ANK1: variants seen among roughly 807,000 people sequenced by gnomAD.
ANK1 encodes the protein ankyrin 1, also known as ankyrin-1.
Under a neutral mutation model 210.4 loss-of-function variants are expected in ANK1, and 51 were observed. The ratio of observed to expected loss-of-function variants is 0.24; its 90% CI spans 0.19 to 0.31. The LOEUF (loss-of-function observed/expected upper bound fraction) is 0.31. Among genes scored for constraint, ANK1 ranks in the 10% least tolerant of loss-of-function variants. The pLI, the probability that ANK1 is intolerant of heterozygous loss-of-function variation, is 1.00. For synonymous variants in ANK1, 967 were observed against 1,025.9 expected, an observed-to-expected ratio of 0.94 and a Z score of 1.10; for missense variants, 2,051 against 2,504.4, an observed-to-expected ratio of 0.82 and a Z score of 3.86.
chr8:41,717,093 C>A, intron 12 of ANK1, 42 bp from the exon 13 acceptor site: 1 of 1,602,354 alleles, frequency 6.2e-7, no homozygotes. Context: ...TACATGCCTG[C>A]TGTCCAAAAC....
intron 36 of ANK1, among the ~76,000 whole-genome samples, chr8:41,684,978 G>C (rs547557090): frequency 6.6e-6 from 1 of 152,204 alleles, no homozygotes; most frequent in Non-Finnish European, 1.5e-5. Context: ...CTGTCACCCA[G>C]GCTGGAGTGC....
At chr8:41,866,292 C>T (rs1250247761) in intron 1 of ANK1, among the ~76,000 whole-genome samples, 1 of 152,172 alleles carries the variant, frequency 6.6e-6, no homozygotes, top group Non-Finnish European at 1.5e-5. Flanking sequence ...TGGGCTCAAG[C>T]GATTCTCCTA....
At chr8:41,848,887 G>A (rs1393697533) in intron 1 of ANK1, among the ~76,000 whole-genome samples, 4 of 152,250 alleles carry the variant, frequency 2.6e-5, no homozygotes, top group Admixed American at 6.5e-5. Context: ...TGCAGGGAAC[G>A]TTGCTTCAGG....
At chr8:41,805,153 C>G (rs28689087) in intron 1 of ANK1, among the ~76,000 whole-genome samples, 10,264 of 147,490 alleles carry the variant, frequency 0.07, 467 homozygotes, top group African/African-American at 0.13. Flanking sequence ...TCTCATAGAG[C>G]TCTTTCTCTC....
chr8:41,741,343 C>T (rs1049256825), intron 2 of ANK1, among the ~76,000 whole-genome samples: 7 of 152,176 alleles, frequency 4.6e-5, no homozygotes, highest in Non-Finnish European at 7.3e-5. Context: ...TGGCTCCTGA[C>T]GTAGCCCAAT....
Position 41,736,380 on chromosome 8 carries a change from G to A in ANK1, c.130-2311C>T, listed in dbSNP as rs190784080. ...TCCCTGCTCCTTCTCAGAGCAGGGC[G>A]AGCTTTTTCAGGCAGCACACAGCAT... On this transcript the variant is annotated intron_variant, in intron 2 of 42. Coordinates refer to ENST00000289734, the MANE Select transcript of ANK1 (RefSeq NM_000037.4). Among the ~76,000 whole-genome samples the A allele has an allele frequency of 1.9e-3, 293 of 152,314 alleles. 1 individual carries two copies. Among genetic ancestry groups the A allele is most frequent in the Non-Finnish European group, 3.2e-3 (215 of 68,030 alleles).
intron 24 of ANK1, 137 bp downstream of exon 24, chr8:41,697,906 G>T: frequency 2.4e-6 from 2 of 842,634 alleles, no homozygotes; most frequent in South Asian, 1.4e-5. Context: ...GTCCAAGCGT[G>T]GAATGCCAGT....
intron 2 of ANK1, among the ~76,000 whole-genome samples, chr8:41,753,662 T>C (rs1472674734): frequency 2.0e-5 from 3 of 152,038 alleles, no homozygotes; most frequent in African/African-American, 4.8e-5. Flanking sequence ...CGGTACCCAA[T>C]AGTTAGTTTT....
chr8:41,661,290 G>C lies in ANK1; in HGVS notation c.*36+140C>G, dbSNP rs1808037498. Reference sequence around the variant, plus strand: ...AACTGTTAGCAGGGTTGGGAAGTGAGAATCTCTGCCTCGAGACACAACAAC... The same window carrying C: ...AACTGTTAGCAGGGTTGGGAAGTGACAATCTCTGCCTCGAGACACAACAAC... On this transcript the variant is annotated intron_variant, in intron 42 of 42. Coordinates refer to ENST00000289734, the MANE Select transcript of ANK1 (RefSeq NM_000037.4). 22 of 1,308,362 alleles carry C rather than the reference G, an allele frequency of 1.7e-5. No individual in the cohort carries two copies. In the South Asian group the frequency reaches 2.4e-4, roughly 15 times the overall value. The allele number at this position is 1,308,362 out of a possible 1,614,324, so 81.0% of individuals were successfully genotyped here.
chr8:41,820,780 C>T (rs759366802), intron 1 of ANK1, among the ~76,000 whole-genome samples: 4 of 152,100 alleles, frequency 2.6e-5, no homozygotes, highest in Admixed American at 6.5e-5. Flanking sequence ...TATGTACACA[C>T]GAGAGTCCCA....
intron 18 of ANK1, 109 bp downstream of exon 18, chr8:41,706,034 A>G: frequency 9.5e-7 from 1 of 1,057,818 alleles, no homozygotes; most frequent in Non-Finnish European, 1.5e-6. Context: ...GAAGTGGCAG[A>G]GAAGAATGTC....
At chr8:41,789,121 A>G (rs903600235) in intron 1 of ANK1, 1 of 152,072 alleles carries the variant, frequency 6.6e-6, no homozygotes, top group Non-Finnish European at 1.5e-5. Context: ...TTCAGCCTCC[A>G]TGGTATTGTT....
At chr8:41,663,324 G>A (rs966263414) in intron 40 of ANK1, among the ~76,000 whole-genome samples, 1 of 152,082 alleles carries the variant, frequency 6.6e-6, no homozygotes, top group Non-Finnish European at 1.5e-5. Flanking sequence ...GTAGGCCAGG[G>A]ATGCTCAAAC....
intron 2 of ANK1, among the ~76,000 whole-genome samples, chr8:41,750,286 G>A (rs768030768): frequency 6.6e-5 from 10 of 152,098 alleles, no homozygotes; most frequent in South Asian, 2.1e-4. Context: ...ATGGTTTCAC[G>A]TGCTTTCCTG....
intron 42 of ANK1, chr8:41,661,227 ACT>A (rs1808018558): frequency 2.7e-6 from 2 of 747,142 alleles, no homozygotes; most frequent in Non-Finnish European, 4.3e-6. Flanking sequence ...GATATTATTA[ACT>A]CTGTTTCCTT....
intron 42 of ANK1, among the ~76,000 whole-genome samples, chr8:41,656,979 A>C (rs1805952000): frequency 6.6e-6 from 1 of 152,010 alleles, no homozygotes; most frequent in Admixed American, 6.5e-5. Context: ...GCCAAGTCTG[A>C]CTGTCTCCTC....
At chr8:41,839,257 C>A (rs1031577677) in intron 1 of ANK1, among the ~76,000 whole-genome samples, 3 of 152,214 alleles carry the variant, frequency 2.0e-5, no homozygotes, top group Admixed American at 6.5e-5. Flanking sequence ...CTGTGCCAGG[C>A]ATGATCTGAG....
At chr8:41,773,791 C>CT (rs1843452497) in intron 1 of ANK1, among the ~76,000 whole-genome samples, 1 of 152,156 alleles carries the variant, frequency 6.6e-6, no homozygotes. Context: ...CAAGGAAAGT[C>CT]TAAGTTCCCC....
chr8:41,695,918 C>G (rs1170588121), intron 26 of ANK1, among the ~76,000 whole-genome samples: 1 of 151,940 alleles, frequency 6.6e-6, no homozygotes, highest in Non-Finnish European at 1.5e-5. Flanking sequence ...GAGCCGGGTA[C>G]TTCCCTCGTC....
Sources: gnomAD v4.1 joint callset for allele counts (sites outside exome capture counted in the v4.1 genomes callset) on GRCh38, gnomAD v4.1.1 for gene constraint, MANE v1.5 for transcripts, NCBI Gene and HGNC (gene_info 2026-07-23, HGNC 2026-07-21) for gene names.